UBR1: variants seen among roughly 807,000 people sequenced by gnomAD.
UBR1 encodes E3 ubiquitin-protein ligase UBR1.
Under a neutral mutation model 242.1 loss-of-function variants are expected in UBR1, and 102 were observed. The ratio of observed to expected loss-of-function variants is 0.42; its 90% CI spans 0.36 to 0.50. UBR1 has a LOEUF of 0.50. Among genes scored for constraint, UBR1 ranks in the 20% least tolerant of loss-of-function variants. UBR1 has a pLI of 0.01. For synonymous variants in UBR1, 675 were observed against 684.8 expected (o/e 0.99, Z 0.22); for missense variants, 1,772 against 2,101.8 (o/e 0.84, Z 3.07).
chr15:43,023,356 T>C (rs1350815466), intron 25 of UBR1, among the ~76,000 whole-genome samples: 1 of 150,632 alleles, frequency 6.6e-6, no homozygotes, highest in Non-Finnish European at 1.5e-5. Flanking sequence ...CTTTCGGAGG[T>C]TTGGGTGGGT....
At chr15:42,976,595 C>A in intron 39 of UBR1, 122 bp downstream of exon 39, 2 of 855,464 alleles carry the variant, frequency 2.3e-6, no homozygotes, top group Admixed American at 2.3e-5. Flanking sequence ...AACAGATAAT[C>A]ATTCAACAAA....
chr15:43,099,137 G>C (rs548795287), intron 1 of UBR1, among the ~76,000 whole-genome samples: 3 of 152,082 alleles, frequency 2.0e-5, no homozygotes, highest in African/African-American at 7.2e-5. Context: ...AGGAGTTTGA[G>C]ACCAGCCCGG....
At chr15:43,043,123 G>C in intron 15 of UBR1, 92 bp downstream of exon 15, 1 of 1,407,814 alleles carries the variant, frequency 7.1e-7, no homozygotes. Flanking sequence ...TGTACATATT[G>C]AGCACAGAAC....
intron 6 of UBR1, 123 bp from the exon 7 acceptor site, chr15:43,060,237 T>G: frequency 1.1e-6 from 1 of 911,610 alleles, no homozygotes; most frequent in Non-Finnish European, 1.8e-6. Context: ...CTAAAAGTTG[T>G]AAGATACCGG....
At chr15:42,977,847 T>C (rs978110981) in intron 38 of UBR1, 33 bp downstream of exon 38, 2 of 1,534,644 alleles carry the variant, frequency 1.3e-6, no homozygotes, top group Admixed American at 1.7e-5. Context: ...ATTATCAACA[T>C]GAGTGACTTA....
chr15:42,998,465 G>C (rs2032672860), intron 32 of UBR1, among the ~76,000 whole-genome samples, 200 bp from the exon 33 acceptor site: 1 of 152,132 alleles, frequency 6.6e-6, no homozygotes, highest in African/African-American at 2.4e-5. Context: ...CAAGAAATAA[G>C]TCACCACCCA....
intron 4 of UBR1, among the ~76,000 whole-genome samples, chr15:43,073,322 A>C (rs1055559188): frequency 1.3e-5 from 2 of 152,192 alleles, no homozygotes; most frequent in Non-Finnish European, 1.5e-5. Flanking sequence ...ATAATTTAGA[A>C]GTATGTAAAT....
intron 39 of UBR1, among the ~76,000 whole-genome samples, chr15:42,971,396 A>G (rs953390451): frequency 1.3e-5 from 2 of 152,226 alleles, no homozygotes; most frequent in Non-Finnish European, 2.9e-5. Flanking sequence ...TCTCACTTAC[A>G]TTAAGGCTCT....
chr15:43,079,300 G>A (rs187563429), intron 3 of UBR1, among the ~76,000 whole-genome samples: 14 of 151,544 alleles, frequency 9.2e-5, no homozygotes, highest in African/African-American at 2.4e-4. Context: ...ACCTCGTCTC[G>A]GTTAAAAAAA....
intron 3 of UBR1, among the ~76,000 whole-genome samples, chr15:43,079,979 T>C (rs942154285): frequency 1.3e-5 from 2 of 152,328 alleles, no homozygotes; most frequent in South Asian, 2.1e-4. Context: ...AGGTCTGATT[T>C]TGAACATGTC....
Position 43,015,736 on chromosome 15 carries a change from T to C in UBR1, c.3161A>G (p.Asn1054Ser). The change falls in exon 29 of 47, where the codon AAT (asparagine) becomes AGT (serine). Residue 1054 changes from asparagine (N) to serine (S), a missense_variant. Coordinates refer to ENST00000290650, the MANE Select transcript of UBR1 (RefSeq NM_174916.3). Reference sequence around the variant, plus strand: ...TTCTTTCCCAGGCATTTCTGATGTATTGTCATACATGAGTTTATGAGTTTC... The same window carrying C: ...TTCTTTCCCAGGCATTTCTGATGTACTGTCATACATGAGTTTATGAGTTTC... ...FIETHKLMYD[N>S]TSEMPGKEDS... 4 of 1,614,196 alleles carry C rather than the reference T, an allele frequency of 2.5e-6. No individual in the cohort carries two copies. The highest frequency in any genetic ancestry group is 1.1e-5 in the South Asian group (1 of 91,084).
chr15:43,074,869 G>A, intron 4 of UBR1, 110 bp downstream of exon 4: 1 of 916,980 alleles, frequency 1.1e-6, no homozygotes, highest in South Asian at 1.4e-5. Flanking sequence ...CTAAATATGA[G>A]AATAAAAACA....
At chr15:43,030,172 A>T in intron 20 of UBR1, 104 bp from the exon 21 acceptor site, 1 of 1,332,472 alleles carries the variant, frequency 7.5e-7, no homozygotes, top group Non-Finnish European at 1.0e-6. Flanking sequence ...ATTAAATTAA[A>T]TCTGTGAGAG....
chr15:42,996,979 C>T (rs28374998), intron 33 of UBR1, among the ~76,000 whole-genome samples: 1 of 152,004 alleles, frequency 6.6e-6, no homozygotes, highest in Non-Finnish European at 1.5e-5. Flanking sequence ...ACCAGGGGTC[C>T]TCAACCCCAG....
At chr15:42,962,918 A>G (rs745766659) in intron 42 of UBR1, among the ~76,000 whole-genome samples, 8 of 152,182 alleles carry the variant, frequency 5.3e-5, no homozygotes, top group Non-Finnish European at 7.3e-5. Flanking sequence ...TTCCTGCAAC[A>G]TAGGGCAGAG....
intron 12 of UBR1, among the ~76,000 whole-genome samples, chr15:43,050,720 T>A (rs1407180220): frequency 4.8e-5 from 6 of 125,494 alleles, no homozygotes; most frequent in Admixed American, 7.6e-5. Context: ...CGAGACTCCG[T>A]CTTAAAAAAA....
At chr15:43,078,568 C>A (rs1445384762) in intron 3 of UBR1, among the ~76,000 whole-genome samples, 1 of 152,150 alleles carries the variant, frequency 6.6e-6, no homozygotes, top group Non-Finnish European at 1.5e-5. Flanking sequence ...AACCCAATCA[C>A]AAAGCTAAAG....
At chr15:43,069,613 C>T (rs1415451570) in intron 5 of UBR1, among the ~76,000 whole-genome samples, 2 of 152,202 alleles carry the variant, frequency 1.3e-5, no homozygotes, top group Non-Finnish European at 2.9e-5. Context: ...TATACTTTTA[C>T]AATACGCTCA....
At position 42,998,193 on chromosome 15, in the gene UBR1, T is replaced by C. The variant is rs1418591505; in HGVS notation, c.3732A>G (p.Ser1244=). Residue 1244 remains serine, a synonymous_variant, in exon 33 of 47, where the codon TCA becomes TCG. Transcript: ENST00000290650. ...RWIQTVLARI[S]GYNIRHAKGE... ...CTTTAGCATGTCTTATATTATAACC[T>C]GATATTCTGGCCAGAACAGTCTGTA... 1 of 1,613,796 alleles carries C rather than the reference T, an allele frequency of 6.2e-7. No homozygotes were observed. The highest frequency in any genetic ancestry group is 8.5e-7 in the Non-Finnish European group (1 of 1,179,914).
Sources: gnomAD v4.1 joint callset for allele counts (sites outside exome capture counted in the v4.1 genomes callset) on GRCh38, gnomAD v4.1.1 for gene constraint, MANE v1.5 for transcripts, NCBI Gene and HGNC (gene_info 2026-07-23, HGNC 2026-07-21) for gene names.